SLC35F1: variants seen among roughly 807,000 people sequenced by gnomAD.
SLC35F1 encodes the protein solute carrier family 35 member F1.
SLC35F1 carries 14 observed loss-of-function variants against 48.7 expected under a neutral mutation model. The ratio of observed to expected loss-of-function variants is 0.29; its 90% CI spans 0.19 to 0.45. The LOEUF (loss-of-function observed/expected upper bound fraction) is 0.45, where lower values mean the gene tolerates loss of function less well. Ranked by LOEUF, SLC35F1 falls within the 20% of genes least tolerant of loss-of-function variation. The pLI, the probability that SLC35F1 is intolerant of heterozygous loss-of-function variation, is 1.00. For missense variants in SLC35F1, 404 were observed against 500.0 expected, an observed-to-expected ratio of 0.81 and a Z score of 1.83; for synonymous variants, 190 against 202.2, an observed-to-expected ratio of 0.94 and a Z score of 0.51.
At chr6:118,042,143 G>GCCAT (rs1772231500) in intron 1 of SLC35F1, among the ~76,000 whole-genome samples, 1 of 151,942 alleles carries the variant, frequency 6.6e-6, no homozygotes, top group Non-Finnish European at 1.5e-5. Flanking sequence ...TTTCTATGTA[G>GCCAT]CCATCCATTC....
intron 1 of SLC35F1, among the ~76,000 whole-genome samples, chr6:118,060,819 G>C (rs928383320): frequency 6.6e-6 from 1 of 152,094 alleles, no homozygotes; most frequent in Non-Finnish European, 1.5e-5. Flanking sequence ...TCTTTTACAC[G>C]TTCTACAGAT....
At chr6:117,978,171 A>G (rs1017159101) in intron 1 of SLC35F1, among the ~76,000 whole-genome samples, 10 of 152,178 alleles carry the variant, frequency 6.6e-5, no homozygotes, top group Admixed American at 6.5e-4. Flanking sequence ...CCAAAGCAGT[A>G]AAGTGGTGCC....
intron 2 of SLC35F1, among the ~76,000 whole-genome samples, chr6:118,173,241 T>C (rs1446327696): frequency 6.6e-6 from 1 of 152,016 alleles, no homozygotes; most frequent in East Asian, 1.9e-4. Context: ...TACAGTTTTC[T>C]GAACCCAACA....
chr6:118,099,083 A>T (rs1773220089), intron 1 of SLC35F1, among the ~76,000 whole-genome samples: 1 of 152,222 alleles, frequency 6.6e-6, no homozygotes, highest in South Asian at 2.1e-4. Flanking sequence ...GATCTTGCTC[A>T]TGGGATAGAT....
chr6:118,075,415 C>A (rs1582652119), intron 1 of SLC35F1, among the ~76,000 whole-genome samples: 1 of 152,288 alleles, frequency 6.6e-6, no homozygotes, highest in East Asian at 1.9e-4. Context: ...ACTAAATAGT[C>A]CATCACATTT....
chr6:118,215,930 T>G (rs1229835866), intron 2 of SLC35F1, among the ~76,000 whole-genome samples: 1 of 152,200 alleles, frequency 6.6e-6, no homozygotes, highest in Non-Finnish European at 1.5e-5. Context: ...AAAGTGAAAT[T>G]CATTTGACAG....
chr6:118,070,455 T>A (rs990549530), intron 1 of SLC35F1, among the ~76,000 whole-genome samples: 2 of 152,112 alleles, frequency 1.3e-5, no homozygotes, highest in South Asian at 2.1e-4. Flanking sequence ...TGAATAGGAC[T>A]TAAACACATG....
At chr6:118,252,739 C>T (rs1775591997) in intron 3 of SLC35F1, among the ~76,000 whole-genome samples, 1 of 152,134 alleles carries the variant, frequency 6.6e-6, no homozygotes, top group Non-Finnish European at 1.5e-5. Flanking sequence ...CCATGGAGCA[C>T]ATTCAGAGAC....
intron 1 of SLC35F1, among the ~76,000 whole-genome samples, chr6:118,021,984 T>C (rs929291585): frequency 1.3e-5 from 2 of 152,142 alleles, no homozygotes; most frequent in African/African-American, 4.8e-5. Flanking sequence ...ATTCTTGCAG[T>C]GTCAAACTTC....
At chr6:118,108,778 C>G (rs1773358177) in intron 1 of SLC35F1, among the ~76,000 whole-genome samples, 1 of 151,946 alleles carries the variant, frequency 6.6e-6, no homozygotes, top group African/African-American at 2.4e-5. Context: ...AATTTTTTTT[C>G]TTTATCAAAC....
At chr6:118,295,713 C>T (rs1287768342) in intron 7 of SLC35F1, among the ~76,000 whole-genome samples, 5 of 152,254 alleles carry the variant, frequency 3.3e-5, no homozygotes, top group East Asian at 1.9e-4. Context: ...GTAAAAATGA[C>T]ATCTTAAAAG....
At chr6:117,973,304 T>A (rs1446335277) in intron 1 of SLC35F1, among the ~76,000 whole-genome samples, 1 of 152,156 alleles carries the variant, frequency 6.6e-6, no homozygotes, top group East Asian at 1.9e-4. Flanking sequence ...AAAGTCCTTA[T>A]CTCCTAGTAC....
intron 1 of SLC35F1, among the ~76,000 whole-genome samples, chr6:118,126,551 A>C (rs1471344556): frequency 6.6e-6 from 1 of 151,606 alleles, no homozygotes; most frequent in African/African-American, 2.4e-5. Context: ...GATGGCATTG[A>C]ATCTATAAAT....
chr6:118,078,298 A>G lies in SLC35F1; in HGVS notation c.174-76147A>G, dbSNP rs115083727. 2.7e-3 allele frequency among the ~76,000 whole-genome samples: 405 copies of G among 152,328 alleles called. 2 individuals carry two copies. Among genetic ancestry groups the G allele is most frequent in the African/African-American group, 9.4e-3 (391 of 41,582 alleles). Reference sequence around the variant, plus strand: ...GAGATAGAAAACCTCATAGACCACTAATAAAAAATAGAACGGATGGAATTT... The same window carrying G: ...GAGATAGAAAACCTCATAGACCACTGATAAAAAATAGAACGGATGGAATTT... On this transcript the variant is annotated intron_variant, in intron 1 of 7. Coordinates refer to ENST00000360388, the MANE Select transcript of SLC35F1 (RefSeq NM_001029858.4).
At chr6:118,138,427 C>G (rs1773830331) in intron 1 of SLC35F1, among the ~76,000 whole-genome samples, 2 of 152,122 alleles carry the variant, frequency 1.3e-5, no homozygotes, top group Non-Finnish European at 2.9e-5. Context: ...CTCTTGTTAG[C>G]CAAGCTTTCT....
chr6:118,154,915 A>G (rs1352314773), intron 2 of SLC35F1, among the ~76,000 whole-genome samples: 1 of 152,190 alleles, frequency 6.6e-6, no homozygotes, highest in African/African-American at 2.4e-5. Context: ...GAATTAAATG[A>G]GTTTTTCCCT....
intron 1 of SLC35F1, among the ~76,000 whole-genome samples, chr6:118,054,615 A>G (rs1772437464): frequency 6.6e-6 from 1 of 152,218 alleles, no homozygotes; most frequent in South Asian, 2.1e-4. Context: ...CCACGTGTCT[A>G]TGGTATTTCA....
chr6:118,010,891 A>C (rs960163769), intron 1 of SLC35F1, among the ~76,000 whole-genome samples: 6 of 152,194 alleles, frequency 3.9e-5, no homozygotes, highest in African/African-American at 1.4e-4. Flanking sequence ...TCTCACACAG[A>C]GACAACCAGG....
intron 1 of SLC35F1, among the ~76,000 whole-genome samples, chr6:118,117,173 A>G (rs1050711585): frequency 4.6e-5 from 7 of 152,318 alleles, no homozygotes; most frequent in African/African-American, 1.7e-4. Flanking sequence ...GTGAGCAGTT[A>G]GTGATTTACA....
Sources: allele counts gnomAD v4.1 joint callset (sites outside exome capture counted in the v4.1 genomes callset), GRCh38; gene constraint gnomAD v4.1.1; transcripts MANE v1.5; gene names NCBI Gene and HGNC (gene_info 2026-07-23, HGNC 2026-07-21).